The following SEMA3E variants were observed in gnomAD, a reference collection of about 807,000 sequenced individuals.
SEMA3E encodes the protein semaphorin 3E.
SEMA3E carries 49 observed loss-of-function variants against 93.6 expected under a neutral mutation model. The observed-to-expected ratio is 0.52, with a 90% CI of 0.42 to 0.66. The LOEUF (loss-of-function observed/expected upper bound fraction) is 0.66, where lower values mean the gene tolerates loss of function less well. Among genes scored for constraint, SEMA3E ranks in the 30% least tolerant of loss-of-function variants. The pLI, the probability that SEMA3E is intolerant of heterozygous loss-of-function variation, is 0.00. For missense variants in SEMA3E, 906 were observed against 964.8 expected, an observed-to-expected ratio of 0.94 and a Z score of 0.81; for synonymous variants, 363 against 330.7, an observed-to-expected ratio of 1.10 and a Z score of -1.06.
Position 83,648,710 on chromosome 7 carries a change from A to T in SEMA3E, c.-168T>A, listed in dbSNP as rs1340789320. On this transcript the variant is annotated 5_prime_UTR_variant, in exon 1 of 17. Coordinates refer to ENST00000643230, the MANE Select transcript of SEMA3E (RefSeq NM_012431.3). ...GCCATTTGTCAGGCTGTATTTGGCTATGTAAAACCTTTCTTTCCTCGGGAC... is the reference window on the plus strand; with the variant it reads ...GCCATTTGTCAGGCTGTATTTGGCTTTGTAAAACCTTTCTTTCCTCGGGAC... The T allele has an allele frequency of 1.6e-5, 11 of 682,726 alleles. No individual in the cohort carries two copies. In the Admixed American group the frequency reaches 2.1e-4, roughly 13 times the overall value. 42.3% of individuals were successfully genotyped at this position (682,726 alleles called of 1,614,324 possible).
At chr7:83,482,222 C>T (rs1395820586) in intron 2 of SEMA3E, among the ~76,000 whole-genome samples, 1 of 151,930 alleles carries the variant, frequency 6.6e-6, no homozygotes, top group Non-Finnish European at 1.5e-5. Flanking sequence ...TTAACCTAAA[C>T]GAAATTCAAC....
intron 4 of SEMA3E, among the ~76,000 whole-genome samples, chr7:83,459,982 C>G (rs187249807): frequency 1.6e-3 from 237 of 152,266 alleles, no homozygotes; most frequent in African/African-American, 5.3e-3. Flanking sequence ...CTACCCAAAT[C>G]CTATAAAACG....
At chr7:83,438,734 T>A (rs997160064) in intron 4 of SEMA3E, among the ~76,000 whole-genome samples, 18 of 152,076 alleles carry the variant, frequency 1.2e-4, no homozygotes, top group Admixed American at 9.2e-4. Flanking sequence ...TATGGCTAAA[T>A]AATTATATAT....
chr7:83,584,897 A>T (rs1792590926), intron 1 of SEMA3E, among the ~76,000 whole-genome samples: 1 of 151,640 alleles, frequency 6.6e-6, no homozygotes, highest in African/African-American at 2.4e-5. Context: ...CCCCCAAAAA[A>T]CTCAGTTATA....
At chr7:83,515,707 T>C (rs868638137) in intron 1 of SEMA3E, among the ~76,000 whole-genome samples, 6 of 152,262 alleles carry the variant, frequency 3.9e-5, no homozygotes, top group South Asian at 2.1e-4. Context: ...TATTTCTTTC[T>C]CCCAAATGTT....
intron 5 of SEMA3E, among the ~76,000 whole-genome samples, chr7:83,409,808 C>CT (rs1788404390): frequency 6.6e-6 from 1 of 151,394 alleles, no homozygotes; most frequent in Admixed American, 6.6e-5. Flanking sequence ...TTATGAAGGA[C>CT]TTTTTTCCCA....
chr7:83,385,381 G>C lies in SEMA3E; in HGVS notation c.1788C>G (p.Asn596Lys), dbSNP rs1787857568. The C allele has an allele frequency of 6.2e-7, 1 of 1,613,472 alleles. No individual in the cohort carries two copies. Among genetic ancestry groups the C allele is most frequent in the Non-Finnish European group, 8.5e-7 (1 of 1,179,570 alleles). Residue 596 changes from asparagine (N) to lysine (K), a missense_variant, in exon 16 of 17, where the codon AAC becomes AAG. By Grantham distance (94) the Asn-to-Lys change is moderately conservative (BLOSUM62 0). Coordinates refer to ENST00000643230, the MANE Select transcript of SEMA3E (RefSeq NM_012431.3). Reference sequence around the variant, plus strand: ...GTGGGGTACATTCCAGCAAAGTACTGTTGTTCTCTATGCCATAAGCCAGAT... The same window carrying C: ...GTGGGGTACATTCCAGCAAAGTACTCTTGTTCTCTATGCCATAAGCCAGAT... ...EEHLAYGIEN[N>K]STLLECTPRS...
intron 16 of SEMA3E, among the ~76,000 whole-genome samples, chr7:83,378,455 A>G (rs1490629780): frequency 6.6e-6 from 1 of 151,818 alleles, no homozygotes; most frequent in African/African-American, 2.4e-5. Flanking sequence ...AACAAAACAA[A>G]ATTTATTTCT....
intron 1 of SEMA3E, among the ~76,000 whole-genome samples, chr7:83,622,845 G>A (rs1022811622): frequency 5.3e-5 from 8 of 152,170 alleles, no homozygotes; most frequent in African/African-American, 1.9e-4. Flanking sequence ...GGGAAGAGTT[G>A]CGAAGGGCAT....
rs1349958733 is a variant in SEMA3E at position 83,406,045 on chromosome 7, C to T, written c.828G>A (p.Gly276=). 1.2e-6 allele frequency: 2 copies of T among 1,611,988 alleles called. No homozygotes were observed. Among genetic ancestry groups the T allele is most frequent in the Middle Eastern group, 1.6e-4 (1 of 6,076 alleles). Residue 276 remains glycine, a synonymous_variant, in exon 8 of 17, where the codon GGG becomes GGA. Transcript: ENST00000643230. ...VGRLCVNDVG[G]QRILVNKWST... is the part of the protein sequence containing the mutation. ...TCCACTTATTCACCAGTATTCTCTG[C>T]CCTCCTACATCATTCTGTGAAAACC...
At chr7:83,620,593 C>T (rs555244653) in intron 1 of SEMA3E, among the ~76,000 whole-genome samples, 2 of 152,158 alleles carry the variant, frequency 1.3e-5, no homozygotes, top group South Asian at 4.1e-4. Context: ...ATACAAAAAT[C>T]CTCAATAAAA....
At chr7:83,470,022 G>A (rs1311748686) in intron 2 of SEMA3E, among the ~76,000 whole-genome samples, 6 of 152,034 alleles carry the variant, frequency 3.9e-5, no homozygotes, top group African/African-American at 1.2e-4. Flanking sequence ...TCCTGGCCTC[G>A]TGATCTGCCT....
intron 14 of SEMA3E, among the ~76,000 whole-genome samples, chr7:83,391,668 G>C (rs1332033525): frequency 6.6e-6 from 1 of 151,974 alleles, no homozygotes; most frequent in African/African-American, 2.4e-5. Flanking sequence ...TTGAATTAGT[G>C]AAGTTTTAAT....
At position 83,503,381 on chromosome 7, in the gene SEMA3E, T is replaced by C. The variant is rs186184286; in HGVS notation, c.116-13107A>G. On this transcript the variant is annotated intron_variant, in intron 1 of 16. Coordinates refer to ENST00000643230, the MANE Select transcript of SEMA3E (RefSeq NM_012431.3). ...TATAAGCTCAGCCTGAAATAAACTA[T>C]ACAAAGCATCTCTAGTTTACCCTTG... Among the ~76,000 whole-genome samples, 117 of 152,328 alleles carry C rather than the reference T, an allele frequency of 7.7e-4. 2 individuals are homozygous for C. Among genetic ancestry groups the C allele is most frequent in the Middle Eastern group, 3.4e-3 (1 of 294 alleles).
chr7:83,363,429 G>A lies in SEMA3E; in HGVS notation c.*4157C>T, dbSNP rs999405540. On this transcript the variant is annotated 3_prime_UTR_variant, in exon 17 of 17. Coordinates refer to ENST00000643230, the MANE Select transcript of SEMA3E (RefSeq NM_012431.3). ...AGAATCAGTGAAAAGAAAGAATATGGCACACACTGTTATGAACCCAGCCAA... is the reference window on the plus strand; with the variant it reads ...AGAATCAGTGAAAAGAAAGAATATGACACACACTGTTATGAACCCAGCCAA... 6.6e-6 allele frequency: 1 copy of A among 152,040 alleles called. No individual in the cohort carries two copies. Among genetic ancestry groups the A allele is most frequent in the African/African-American group, 2.4e-5 (1 of 41,370 alleles). 9.4% of individuals were successfully genotyped at this position (152,040 alleles called of 1,614,324 possible). A position where few individuals can be genotyped will look rare whatever the true frequency, so the allele number is the denominator to read the frequency against.
At chr7:83,633,082 A>C (rs1170857058) in intron 1 of SEMA3E, among the ~76,000 whole-genome samples, 1 of 152,064 alleles carries the variant, frequency 6.6e-6, no homozygotes, top group Non-Finnish European at 1.5e-5. Flanking sequence ...TAAGACGTAA[A>C]ATGCTAAATC....
chr7:83,558,265 T>C (rs1791961053), intron 1 of SEMA3E, among the ~76,000 whole-genome samples: 2 of 152,174 alleles, frequency 1.3e-5, no homozygotes, highest in Admixed American at 6.6e-5. Context: ...TTCTGCCACA[T>C]TGCTGTGAGC....
rs768057462 is a variant in SEMA3E at position 83,402,619 on chromosome 7, T to C, written c.1143+13A>G. 3 of 1,607,568 alleles carry C rather than the reference T, an allele frequency of 1.9e-6. No homozygotes were observed. Among genetic ancestry groups the C allele is most frequent in the Non-Finnish European group, 2.6e-6 (3 of 1,174,490 alleles). ...TTAAAAATAAGAATTATTTGTTATA[T>C]AACTAAACTTACAGAACCAGGCCTT... On this transcript the variant is annotated intron_variant, in intron 10 of 16. Transcript: ENST00000643230.
intron 4 of SEMA3E, among the ~76,000 whole-genome samples, chr7:83,419,508 A>C (rs1443547221): frequency 1.3e-5 from 2 of 152,166 alleles, no homozygotes; most frequent in Non-Finnish European, 2.9e-5. Context: ...AAATCTCTAA[A>C]CTTCTTTCCA....
Sources: gnomAD v4.1 joint callset for allele counts (sites outside exome capture counted in the v4.1 genomes callset) on GRCh38, gnomAD v4.1.1 for gene constraint, MANE v1.5 for transcripts, NCBI Gene and HGNC (gene_info 2026-07-23, HGNC 2026-07-21) for gene names.